Variants in OTOP1 observed in about 807,000 individuals in gnomAD.
OTOP1 encodes the protein otopetrin 1.
A neutral mutation model predicts 52.9 loss-of-function variants in OTOP1; 59 were observed. The observed-to-expected ratio is 1.12, with a 90% CI of 0.91 to 1.39. The LOEUF is 1.39. OTOP1 is among the 40% of genes most tolerant of loss of function. The probability of loss-of-function intolerance (pLI) is 0.00; values close to 1 mark genes in which losing one functional copy is unlikely to be tolerated. For missense variants in OTOP1, 761 were observed against 800.9 expected (o/e 0.95, Z 0.60); for synonymous variants, 317 against 337.7 (o/e 0.94, Z 0.67).
rs137952827 is a variant in OTOP1 at position 4,197,848 on chromosome 4, A to C, written c.986T>G (p.Val329Gly). 48 of 1,613,990 alleles carry C rather than the reference A, an allele frequency of 3.0e-5. No individual in the cohort carries two copies. The African/African-American group carries it at 5.9e-4, about 20-fold the overall frequency. Residue 329 changes from valine (V) to glycine (G), a missense_variant, in exon 5 of 6, where the codon GTG becomes GGG. Coordinates refer to ENST00000296358, the MANE Select transcript of OTOP1 (RefSeq NM_177998.3). ...LTVLAATIAV[V>G]VVYLIHIGRS... is the part of the protein sequence containing the mutation. ...CCCAATATGAATCAGGTATACCACC[A>C]CCACAGCAATGGTGGCGGCCAGCAC...
chr4:4,203,585 G>C (rs1716836346), intron 3 of OTOP1, among the ~76,000 whole-genome samples: 1 of 152,224 alleles, frequency 6.6e-6, no homozygotes, highest in Non-Finnish European at 1.5e-5. Flanking sequence ...TAGCAGGCGA[G>C]AGATCCATGG....
intron 5 of OTOP1, among the ~76,000 whole-genome samples, chr4:4,192,173 T>C (rs1577173612): frequency 6.6e-6 from 1 of 152,274 alleles, no homozygotes; most frequent in African/African-American, 2.4e-5. Context: ...CAGTTCAATC[T>C]TTTGGAGGGT....
At position 4,214,329 on chromosome 4, in the gene OTOP1, T is replaced by C. The variant is rs145452852; in HGVS notation, c.404-1325A>G. Among the ~76,000 whole-genome samples, 891 of 152,184 alleles carry C rather than the reference T, an allele frequency of 5.9e-3. 12 individuals carry two copies. The highest frequency in any genetic ancestry group is 0.02 in the African/African-American group (835 of 41,530). ...AAAATAGCAAGCATTGGTGAGGATA[T>C]AGAGAAATAGTGCTCTGTTGGTAGG... On this transcript the variant is annotated intron_variant, in intron 1 of 5. Coordinates refer to ENST00000296358, the MANE Select transcript of OTOP1 (RefSeq NM_177998.3).
At chr4:4,211,397 G>A (rs1416569698) in intron 2 of OTOP1, among the ~76,000 whole-genome samples, 5 of 152,052 alleles carry the variant, frequency 3.3e-5, no homozygotes, top group Admixed American at 2.6e-4. Flanking sequence ...TTGTGTCTCC[G>A]CAGTGACTCT....
At chr4:4,223,531 T>C (rs1168074699) in intron 1 of OTOP1, among the ~76,000 whole-genome samples, 10 of 152,032 alleles carry the variant, frequency 6.6e-5, no homozygotes, top group Non-Finnish European at 7.4e-5. Flanking sequence ...AGGAAGAGCA[T>C]TTCTTGGATA....
At chr4:4,191,914 G>A (rs948585398) in intron 5 of OTOP1, among the ~76,000 whole-genome samples, 1 of 152,182 alleles carries the variant, frequency 6.6e-6, no homozygotes, top group Non-Finnish European at 1.5e-5. Flanking sequence ...GAGAGAGGAA[G>A]GGAGAGGGAG....
Position 4,188,872 on chromosome 4 carries a change from G to A in OTOP1, c.1770C>T (p.Ala590=). The change falls in exon 6 of 6, where the codon GCC becomes GCT. Residue 590 remains alanine (A), a synonymous_variant. Coordinates refer to ENST00000296358, the MANE Select transcript of OTOP1 (RefSeq NM_177998.3). ...TTCGATAGAAAATAGAAAAAGGCAT[G>A]GCCAGGTTGACCACAATTATCCAGG... is the stretch of plus-strand genomic sequence containing the variant. The part of the protein sequence containing the change: ...FEPWIIVVNL[A]MPFSIFYRMH... The A allele has an allele frequency of 6.2e-7, 1 of 1,613,920 alleles. No homozygotes were observed. Among genetic ancestry groups the A allele is most frequent in the Non-Finnish European group, 8.5e-7 (1 of 1,179,830 alleles).
chr4:4,205,970 T>C, intron 3 of OTOP1, 102 bp downstream of exon 3: 1 of 976,878 alleles, frequency 1.0e-6, no homozygotes, highest in African/African-American at 1.6e-5. Context: ...GAGGGGAGAG[T>C]TGGTCTGTTT....
At chr4:4,219,824 CAT>C (rs1417122533) in intron 1 of OTOP1, among the ~76,000 whole-genome samples, 5 of 123,530 alleles carry the variant, frequency 4.0e-5, no homozygotes, top group Non-Finnish European at 7.6e-5. Context: ...TATATGTATA[CAT>C]ATGTGTATAC....
At chr4:4,218,803 C>A (rs1301457034) in intron 1 of OTOP1, among the ~76,000 whole-genome samples, 1 of 151,980 alleles carries the variant, frequency 6.6e-6, no homozygotes. Context: ...GTGATGGGCA[C>A]CTGTAGTCCC....
intron 2 of OTOP1, among the ~76,000 whole-genome samples, chr4:4,212,100 C>T (rs1455861929): frequency 4.6e-5 from 7 of 151,934 alleles, no homozygotes; most frequent in African/African-American, 1.7e-4. Flanking sequence ...TAAACATATA[C>T]ATAAAAAAGA....
intron 2 of OTOP1, among the ~76,000 whole-genome samples, chr4:4,207,658 C>T (rs767730739): frequency 3.3e-5 from 5 of 151,730 alleles, no homozygotes; most frequent in Admixed American, 2.0e-4. Flanking sequence ...ATTTGTCCAC[C>T]CATGTTCATA....
intron 1 of OTOP1, among the ~76,000 whole-genome samples, chr4:4,214,087 T>C (rs1479806246): frequency 6.6e-6 from 1 of 152,062 alleles, no homozygotes. Flanking sequence ...TGAAACTCTG[T>C]CTCCAAAAAT....
At chr4:4,196,870 C>A (rs2108796655) in intron 5 of OTOP1, among the ~76,000 whole-genome samples, 1 of 152,282 alleles carries the variant, frequency 6.6e-6, no homozygotes, top group South Asian at 2.1e-4. Context: ...GAACAGAAAA[C>A]CAAATACCAC....
rs367875700 is a variant in OTOP1 at position 4,208,340 on chromosome 4, C to T, written c.541-2210G>A. Among the ~76,000 whole-genome samples the T allele has an allele frequency of 6.1e-3, 928 of 152,284 alleles. 4 individuals carry two copies. The highest frequency in any genetic ancestry group is 0.055 in the Middle Eastern group (16 of 292). On this transcript the variant is annotated intron_variant, in intron 2 of 5. Coordinates refer to ENST00000296358, the MANE Select transcript of OTOP1 (RefSeq NM_177998.3). ...GAATGGGAGGCAGGTTTGCCTGACG[C>T]AGTTCCCAGCTTGACTTTTCCCTTT...
At chr4:4,201,766 G>A (rs1716793940) in intron 4 of OTOP1, among the ~76,000 whole-genome samples, 1 of 152,158 alleles carries the variant, frequency 6.6e-6, no homozygotes, top group South Asian at 2.1e-4. Context: ...GGCTCAGAGA[G>A]ATTAAATGTC....
rs142612164 is a variant in OTOP1 at position 4,197,539 on chromosome 4, G to T, written c.1295C>A (p.Ala432Glu). Residue 432 changes from alanine (A) to glutamate (E), a missense_variant, in exon 5 of 6, where the codon GCG becomes GAG. Transcript: ENST00000296358. The part of the protein sequence containing the change: ...TWYNLPYSIL[A>E]IVEKYIQNLF... The stretch of plus-strand genomic sequence containing the variant: ...GTTCTGGATGTACTTCTCCACGATC[G>T]CCAGGATGGAGTAGGGCAGGTTGTA... 3.6e-5 allele frequency: 58 copies of T among 1,613,960 alleles called. No individual in the cohort carries two copies. Among genetic ancestry groups the T allele is most frequent in the Non-Finnish European group, 4.8e-5 (57 of 1,180,032 alleles).
At chr4:4,214,527 A>G (rs934281961) in intron 1 of OTOP1, among the ~76,000 whole-genome samples, 4 of 152,200 alleles carry the variant, frequency 2.6e-5, no homozygotes, top group African/African-American at 9.7e-5. Flanking sequence ...CATTATTTTC[A>G]GTATCCAAAA....
At chr4:4,203,992 G>A (rs565721815) in intron 3 of OTOP1, among the ~76,000 whole-genome samples, 9 of 152,220 alleles carry the variant, frequency 5.9e-5, no homozygotes, top group Non-Finnish European at 1.0e-4. Context: ...GGTCTTGGAA[G>A]CAGAGCTAGA....
Sources: gnomAD v4.1 joint callset for allele counts (sites outside exome capture counted in the v4.1 genomes callset) on GRCh38, gnomAD v4.1.1 for gene constraint, MANE v1.5 for transcripts, NCBI Gene and HGNC (gene_info 2026-07-23, HGNC 2026-07-21) for gene names.